Variants in NSF observed in about 807,000 individuals in gnomAD.
NSF encodes vesicle-fusing ATPase.
Under a neutral mutation model 50.3 loss-of-function variants are expected in NSF, and 14 were observed. The ratio of observed to expected loss-of-function variants is 0.28; its 90% CI spans 0.18 to 0.44. The LOEUF (loss-of-function observed/expected upper bound fraction) is 0.44. Among genes scored for constraint, NSF ranks in the 20% least tolerant of loss-of-function variants. NSF has a pLI of 1.00. For missense variants in NSF, 218 were observed against 504.3 expected (o/e 0.43, Z 5.44); for synonymous variants, 109 against 175.7 (o/e 0.62, Z 3.00).
At chr17:46,753,414 T>G (rs2059202944) in intron 19 of NSF, among the ~76,000 whole-genome samples, 1 of 152,268 alleles carries the variant, frequency 6.6e-6, no homozygotes, top group Non-Finnish European at 1.5e-5. Flanking sequence ...TTTAATCTAC[T>G]GAGCTTTCAG....
chr17:46,707,536 CTT>C (rs1356477317), intron 13 of NSF, among the ~76,000 whole-genome samples: 1 of 152,022 alleles, frequency 6.6e-6, no homozygotes. Context: ...AATAATAACT[CTT>C]TTTTCCCTCC....
chr17:46,708,150 G>A (rs2058675245), intron 13 of NSF, among the ~76,000 whole-genome samples: 1 of 152,046 alleles, frequency 6.6e-6, no homozygotes, highest in Non-Finnish European at 1.5e-5. Flanking sequence ...GCTGTCATTA[G>A]CATGGCTGTA....
chr17:46,755,240 G>A (rs994478274), intron 19 of NSF, 74 bp from the exon 20 acceptor site: 2 of 1,118,044 alleles, frequency 1.8e-6, no homozygotes, highest in Admixed American at 1.7e-5. Flanking sequence ...ACCGAACACT[G>A]CCTTCTCATG....
At chr17:46,716,636 A>G (rs762572470) in intron 15 of NSF, among the ~76,000 whole-genome samples, 1 of 152,214 alleles carries the variant, frequency 6.6e-6, no homozygotes, top group Non-Finnish European at 1.5e-5. Context: ...ATAGAGTTTT[A>G]TAATTCTGGA....
At chr17:46,740,036 A>G (rs772212084) in intron 17 of NSF, among the ~76,000 whole-genome samples, 17 of 152,310 alleles carry the variant, frequency 1.1e-4, no homozygotes, top group South Asian at 2.1e-4. Context: ...TCAAAGTTTC[A>G]TAGGCCCTGG....
intron 9 of NSF, among the ~76,000 whole-genome samples, chr17:46,687,381 T>C (rs1012722123): frequency 3.3e-5 from 5 of 151,334 alleles, no homozygotes; most frequent in African/African-American, 7.3e-5. Context: ...TTTAATCTTA[T>C]CATGCTAGAA....
In NSF at chr17:46,728,864, C is replaced by A; in HGVS notation, c.1838C>A (p.Pro613His). 1 of 1,606,458 alleles carries A rather than the reference C, an allele frequency of 6.2e-7. No individual in the cohort carries two copies. Among genetic ancestry groups the A allele is most frequent in the Non-Finnish European group, 8.5e-7 (1 of 1,175,818 alleles). Residue 613 changes from proline (P) to histidine (H), a missense_variant, in exon 17 of 21, where the codon CCT (proline) becomes CAT (histidine). Pro to His is a moderately conservative substitution (Grantham distance 77, BLOSUM62 -2). Coordinates refer to ENST00000398238, the MANE Select transcript of NSF (RefSeq NM_006178.4). ...AATGTTTCTTTTCCAGATTACGTCCCTATTGGCCCTCGATTTTCAAATCTT... is the reference window on the plus strand; with the variant it reads ...AATGTTTCTTTTCCAGATTACGTCCATATTGGCCCTCGATTTTCAAATCTT... ...DDIERLLDYV[P>H]IGPRFSNLVL...
chr17:46,676,395 G>T, intron 9 of NSF, among the ~76,000 whole-genome samples: 1 of 136,532 alleles, frequency 7.3e-6, no homozygotes, highest in Non-Finnish European at 1.5e-5. Context: ...ACCACGCCCA[G>T]CTAATTTTGT....
chr17:46,737,586 TGTG>T (rs2059020387), intron 17 of NSF, among the ~76,000 whole-genome samples: 1 of 151,714 alleles, frequency 6.6e-6, no homozygotes, highest in African/African-American at 2.4e-5. Flanking sequence ...TGTGTGTGTG[TGTG>T]TGTGTGTGTG....
At chr17:46,681,414 G>T (rs1204285142) in intron 9 of NSF, among the ~76,000 whole-genome samples, 1 of 127,292 alleles carries the variant, frequency 7.9e-6, no homozygotes, top group Non-Finnish European at 1.7e-5. Context: ...CACTTGTGCC[G>T]GGGAGGTCAA....
chr17:46,750,237 C>T (rs2059168752), intron 18 of NSF, among the ~76,000 whole-genome samples: 1 of 152,112 alleles, frequency 6.6e-6, no homozygotes, highest in Admixed American at 6.6e-5. Context: ...CCTGTAGTTC[C>T]AGCTACTCAG....
intron 17 of NSF, among the ~76,000 whole-genome samples, chr17:46,733,771 A>G (rs544186445): frequency 6.6e-6 from 1 of 152,330 alleles, no homozygotes; most frequent in African/African-American, 2.4e-5. Flanking sequence ...TTAAACTTTT[A>G]CAAAAGAAGA....
chr17:46,720,483 G>A (rs2058818867), intron 15 of NSF, among the ~76,000 whole-genome samples: 2 of 152,284 alleles, frequency 1.3e-5, no homozygotes, highest in South Asian at 4.1e-4. Context: ...ATTCCAGGAA[G>A]CTTTAGAGCT....
chr17:46,755,638 G>T (rs2059225604), intron 20 of NSF, 164 bp from the exon 21 acceptor site: 2 of 755,910 alleles, frequency 2.6e-6, no homozygotes, highest in African/African-American at 1.8e-5. Flanking sequence ...GCATGGAGCT[G>T]TGACCATTTT....
intron 15 of NSF, among the ~76,000 whole-genome samples, chr17:46,723,461 C>T (rs1440510891): frequency 2.0e-5 from 3 of 152,168 alleles, no homozygotes; most frequent in East Asian, 1.9e-4. Flanking sequence ...TCAGTTGTCT[C>T]GAATGTACCA....
At chr17:46,721,771 G>A in intron 15 of NSF, 11 of 1,602,486 alleles carry the variant, frequency 6.9e-6, no homozygotes, top group Non-Finnish European at 9.4e-6. Flanking sequence ...GGAAGACCAA[G>A]TCCTCAAGGA....
chr17:46,703,793 C>T (rs1362356217), intron 12 of NSF, among the ~76,000 whole-genome samples: 16 of 146,724 alleles, frequency 1.1e-4, no homozygotes, highest in Non-Finnish European at 1.8e-4. Flanking sequence ...GTTGTGCAAC[C>T]ATCACTACCA....
intron 17 of NSF, among the ~76,000 whole-genome samples, chr17:46,731,279 A>T (rs926717639): frequency 3.3e-5 from 5 of 152,148 alleles, no homozygotes; most frequent in Non-Finnish European, 2.9e-5. Flanking sequence ...AATGTCCAGG[A>T]CTGGCAGATC....
intron 13 of NSF, among the ~76,000 whole-genome samples, chr17:46,707,310 C>T (rs2058666567): frequency 6.6e-6 from 1 of 152,128 alleles, no homozygotes; most frequent in African/African-American, 2.4e-5. Context: ...GCCTGTTTTT[C>T]TGTTGTACTG....
Sources: allele counts gnomAD v4.1 joint callset (sites outside exome capture counted in the v4.1 genomes callset), GRCh38; gene constraint gnomAD v4.1.1; transcripts MANE v1.5; gene names NCBI Gene and HGNC (gene_info 2026-07-23, HGNC 2026-07-21).